Variants in MACROD2 observed in about 807,000 individuals in gnomAD.
MACROD2 encodes ADP-ribose glycohydrolase MACROD2.
MACROD2 carries 36 observed loss-of-function variants against 70.4 expected under a neutral mutation model. The ratio of observed to expected loss-of-function variants is 0.51; its 90% CI spans 0.39 to 0.68. The LOEUF is 0.68. Ranked by LOEUF, MACROD2 falls within the 30% of genes least tolerant of loss-of-function variation. MACROD2 has a pLI of 0.00. For missense variants in MACROD2, 496 were observed against 538.4 expected (o/e 0.92, Z 0.78); for synonymous variants, 172 against 178.8 (o/e 0.96, Z 0.30).
chr20:14,326,603 G>C lies in MACROD2; in HGVS notation c.272-166876G>C. 1 of 1,613,896 alleles carries C rather than the reference G, an allele frequency of 6.2e-7. No homozygotes were observed. The highest frequency in any genetic ancestry group is 8.5e-7 in the Non-Finnish European group (1 of 1,179,854). Reference sequence around the variant, plus strand: ...CCGCAATACCAGGGATTGTTGCGAAGAATCAGTTGTGTTATATTGTCCAAA... The same window carrying C: ...CCGCAATACCAGGGATTGTTGCGAACAATCAGTTGTGTTATATTGTCCAAA... On this transcript the variant is annotated intron_variant, in intron 3 of 17. Coordinates refer to ENST00000684519, the MANE Select transcript of MACROD2 (RefSeq NM_001351661.2). This position sits in a 1 kb window ranked among gnomAD's most constrained non-coding sequence, Gnocchi z 5.5.
intron 8 of MACROD2, among the ~76,000 whole-genome samples, chr20:15,545,791 A>C (rs570516215): frequency 6.6e-6 from 1 of 152,244 alleles, no homozygotes; most frequent in Non-Finnish European, 1.5e-5. Context: ...GGAAGTATTG[A>C]CCAGAAATCA....
intron 8 of MACROD2, among the ~76,000 whole-genome samples, chr20:15,786,521 A>G (rs2051930071): frequency 6.6e-6 from 1 of 152,264 alleles, no homozygotes; most frequent in Non-Finnish European, 1.5e-5. Flanking sequence ...ATAGTTGGCT[A>G]TTGTCTACAA....
chr20:14,375,577 G>C (rs1568583812), intron 3 of MACROD2, among the ~76,000 whole-genome samples: 1 of 152,078 alleles, frequency 6.6e-6, no homozygotes, highest in African/African-American at 2.4e-5. Flanking sequence ...AAGAAGATGG[G>C]GGTTGGGGCT....
intron 8 of MACROD2, among the ~76,000 whole-genome samples, chr20:15,769,276 T>G (rs1343261347): frequency 1.3e-5 from 2 of 151,986 alleles, no homozygotes; most frequent in Non-Finnish European, 2.9e-5. Flanking sequence ...GCCTCTCGAG[T>G]AGCTGGAATT....
At chr20:14,576,828 T>C (rs561833401) in intron 4 of MACROD2, among the ~76,000 whole-genome samples, 2 of 152,332 alleles carry the variant, frequency 1.3e-5, no homozygotes, top group East Asian at 3.9e-4. Context: ...AAATAATGCT[T>C]TAAACACAAA....
At chr20:14,508,563 T>TA (rs1290978414) in intron 4 of MACROD2, among the ~76,000 whole-genome samples, 1 of 152,190 alleles carries the variant, frequency 6.6e-6, no homozygotes, top group Non-Finnish European at 1.5e-5. Flanking sequence ...GACATTAGAA[T>TA]ATTAAAAGTT....
At chr20:14,094,365 C>G (rs2054194155) in intron 3 of MACROD2, among the ~76,000 whole-genome samples, 1 of 152,156 alleles carries the variant, frequency 6.6e-6, no homozygotes, top group African/African-American at 2.4e-5. Flanking sequence ...TTTGTTCTTT[C>G]AACAACTTTC....
chr20:15,280,595 G>C (rs988404664), intron 6 of MACROD2, among the ~76,000 whole-genome samples: 4 of 152,202 alleles, frequency 2.6e-5, no homozygotes, highest in Non-Finnish European at 5.9e-5. Context: ...ACGTGTACCA[G>C]CTGGGATCCT....
intron 10 of MACROD2, among the ~76,000 whole-genome samples, chr20:15,926,907 C>A (rs75795822): frequency 0.014 from 2,064 of 152,264 alleles, 45 homozygotes; most frequent in African/African-American, 0.046. Flanking sequence ...CACTTTAAAA[C>A]AAACCAGCTA....
Position 14,039,415 on chromosome 20 carries a change from G to A in MACROD2, c.163+37011G>A, listed in dbSNP as rs572541378. 5.3e-5 allele frequency among the ~76,000 whole-genome samples: 8 copies of A among 152,188 alleles called. No homozygotes were observed. The South Asian group carries it at 1.2e-3, about 24-fold the overall frequency. ...AAAAGAATGATGTTACCAAAGGCAC[G>A]TCTTGTTTTAAATCTTATGTTTTAT... On this transcript the variant is annotated intron_variant, in intron 2 of 17. Coordinates refer to ENST00000684519, the MANE Select transcript of MACROD2 (RefSeq NM_001351661.2).
In MACROD2 at chr20:14,093,284, G is replaced by A. The variant is rs895494761; in HGVS notation, c.271+7556G>A. Among the ~76,000 whole-genome samples, 7 of 151,364 alleles carry A rather than the reference G, an allele frequency of 4.6e-5. No homozygotes were observed. In the South Asian group the frequency reaches 8.3e-4, roughly 18 times the overall value. On this transcript the variant is annotated intron_variant, in intron 3 of 17. Transcript: ENST00000684519. ...TTTTTTTCTGTAGAGACAGCATCCT[G>A]CTATGTTTCCTAGGGTGGTCTTGAA...
chr20:14,420,967 A>G (rs970461345), intron 3 of MACROD2, among the ~76,000 whole-genome samples: 6 of 152,246 alleles, frequency 3.9e-5, no homozygotes, highest in Middle Eastern at 3.2e-3. Flanking sequence ...TGTTGGGATT[A>G]CAGGCATGAG....
chr20:15,000,006 A>G (rs1200694128), intron 5 of MACROD2, among the ~76,000 whole-genome samples: 4 of 152,226 alleles, frequency 2.6e-5, no homozygotes, highest in African/African-American at 7.2e-5. Context: ...ACTTTAAGCA[A>G]TTGGCTGAAG....
chr20:15,461,000 A>ATTTTTT (rs1451007880), intron 7 of MACROD2, among the ~76,000 whole-genome samples: 1 of 69,284 alleles, frequency 1.4e-5, no homozygotes, highest in African/African-American at 6.7e-5. Context: ...ATATATATAT[A>ATTTTTT]TATATATTTT....
intron 8 of MACROD2, among the ~76,000 whole-genome samples, chr20:15,746,499 T>C (rs1425159468): frequency 1.3e-5 from 2 of 150,948 alleles, no homozygotes; most frequent in Admixed American, 6.6e-5. Context: ...TTTACTTGCC[T>C]TATTGCACTT....
At chr20:15,125,128 T>C (rs1320561398) in intron 5 of MACROD2, among the ~76,000 whole-genome samples, 1 of 152,114 alleles carries the variant, frequency 6.6e-6, no homozygotes, top group Non-Finnish European at 1.5e-5. Flanking sequence ...AGTTTTAAAA[T>C]TAAATAGTTG....
chr20:14,866,556 G>A (rs183427480), intron 5 of MACROD2, among the ~76,000 whole-genome samples: 3 of 152,204 alleles, frequency 2.0e-5, no homozygotes, highest in Admixed American at 6.6e-5. Context: ...TAGATGACAT[G>A]TTCAAATTTA....
At chr20:14,276,200 T>A (rs1169295963) in intron 3 of MACROD2, among the ~76,000 whole-genome samples, 1 of 151,984 alleles carries the variant, frequency 6.6e-6, no homozygotes, top group South Asian at 2.1e-4. Context: ...CAGCACTATT[T>A]GCAATAGCAA....
At chr20:15,474,975 G>A (rs2047003753) in intron 7 of MACROD2, among the ~76,000 whole-genome samples, 1 of 151,474 alleles carries the variant, frequency 6.6e-6, no homozygotes, top group Non-Finnish European at 1.5e-5. Flanking sequence ...TGGGGGATCC[G>A]CATCTGCAGA....
Sources: allele counts gnomAD v4.1 joint callset (sites outside exome capture counted in the v4.1 genomes callset), GRCh38; gene constraint gnomAD v4.1.1; non-coding constraint Gnocchi (gnomAD v3.1); transcripts MANE v1.5; gene names NCBI Gene and HGNC (gene_info 2026-07-23, HGNC 2026-07-21).